The following ROGDI variants were observed in gnomAD, a reference collection of about 807,000 sequenced individuals.
ROGDI encodes the protein rogdi atypical leucine zipper, also known as protein rogdi homolog.
ROGDI carries 46 observed loss-of-function variants against 43.1 expected under a neutral mutation model. The observed-to-expected ratio is 1.07, with a 90% CI of 0.84 to 1.37. The LOEUF (loss-of-function observed/expected upper bound fraction) is 1.37. ROGDI is among the 40% of genes most tolerant of loss of function. The probability of loss-of-function intolerance (pLI) is 0.00; values close to 1 mark genes in which losing one functional copy is unlikely to be tolerated. For missense variants in ROGDI, 518 were observed against 383.9 expected (o/e 1.35, Z -2.92); for synonymous variants, 243 against 162.0 (o/e 1.50, Z -3.80).
At position 4,799,801 on chromosome 16, in the gene ROGDI, A is replaced by G; in HGVS notation, c.337-20T>C. ...CTGGATCTGGAAGCAGGGGTCATCCAGAGGGGTCACGCCAGCTTCCATGCG... is the reference window on the plus strand; with the variant it reads ...CTGGATCTGGAAGCAGGGGTCATCCGGAGGGGTCACGCCAGCTTCCATGCG... On this transcript the variant is annotated intron_variant, in intron 5 of 10. Transcript: ENST00000322048. 6.3e-7 allele frequency: 1 copy of G among 1,586,910 alleles called. No individual in the cohort carries two copies. The highest frequency in any genetic ancestry group is 8.6e-7 in the Non-Finnish European group (1 of 1,157,006).
chr16:4,799,826 G>A (rs545619873), intron 5 of ROGDI, 45 bp from the exon 6 acceptor site: 28 of 1,379,144 alleles, frequency 2.0e-5, no homozygotes, highest in South Asian at 3.6e-5. Context: ...GCTTCCATGC[G>A]GCCAGGAGGG....
rs1239643038 is a variant in ROGDI, at chr16:4,800,516, C to G, written c.318G>C (p.Lys106Asn). Reference protein sequence around the residue: ...QLLHFAFREDKQWKLQQIQDA... With the variant: ...QLLHFAFREDNQWKLQQIQDA... ...GGGTCACCTGCTGCAGCTTCCACTG[C>G]TTGTCCTCCCGGAAGGCGAAGTGCA... The change falls in exon 5 of 11, where the codon AAG becomes AAC. Residue 106 changes from lysine (K) to asparagine (N), a missense_variant. Transcript: ENST00000322048. The G allele has an allele frequency of 1.9e-5, 30 of 1,558,866 alleles. No individual in the cohort carries two copies. Among genetic ancestry groups the G allele is most frequent in the Non-Finnish European group, 2.5e-5 (29 of 1,150,658 alleles).
intron 4 of ROGDI, 151 bp downstream of exon 4, chr16:4,801,116 G>T: frequency 1.7e-6 from 1 of 606,000 alleles, no homozygotes; most frequent in Non-Finnish European, 2.8e-6. Context: ...GAGAAGGTGT[G>T]AGGGTTGCTG....
At chr16:4,801,026 A>C (rs946648490) in intron 4 of ROGDI, 2 of 507,172 alleles carry the variant, frequency 3.9e-6, no homozygotes, top group Non-Finnish European at 7.0e-6. Context: ...CCCATGTTTC[A>C]CTGGTCCGGA....
In ROGDI at chr16:4,797,377, C is replaced by T. The variant is rs748143519; in HGVS notation, c.*83G>A. 1.7e-5 allele frequency: 22 copies of T among 1,269,678 alleles called. No individual in the cohort carries two copies. Among genetic ancestry groups the T allele is most frequent in the African/African-American group, 8.9e-5 (6 of 67,716 alleles). The allele number at this position is 1,269,678 out of a possible 1,614,324, so 78.7% of individuals were successfully genotyped here. ...GATAGGGAGATAAATAGCAGCCTGG[C>T]GTTGGCACTGGCTGGTGCTCTGTGG... On this transcript the variant is annotated 3_prime_UTR_variant, in exon 11 of 11. Coordinates refer to ENST00000322048, the MANE Select transcript of ROGDI (RefSeq NM_024589.3).
Position 4,800,524 on chromosome 16 carries a change from C to T in ROGDI, c.310G>A (p.Glu104Lys), listed in dbSNP as rs752580831. Residue 104 changes from glutamate to lysine, a missense_variant, in exon 5 of 11, where the codon GAG becomes AAG. By Grantham distance (56) the Glu-to-Lys change is moderately conservative (BLOSUM62 1). Coordinates refer to ENST00000322048, the MANE Select transcript of ROGDI (RefSeq NM_024589.3). ...NNQLLHFAFR[E>K]DKQWKLQQIQ... is the part of the protein sequence containing the mutation. ...TGCTGCAGCTTCCACTGCTTGTCCTCCCGGAAGGCGAAGTGCAGCAGCTGG... is the reference window on the plus strand; with the variant it reads ...TGCTGCAGCTTCCACTGCTTGTCCTTCCGGAAGGCGAAGTGCAGCAGCTGG... 2.6e-5 allele frequency: 41 copies of T among 1,560,992 alleles called. No homozygotes were observed. The highest frequency in any genetic ancestry group is 3.6e-5 in the Non-Finnish European group (41 of 1,151,846).
intron 10 of ROGDI, 38 bp from the exon 11 acceptor site, chr16:4,797,539 GA>G (rs1567596217): frequency 1.6e-6 from 2 of 1,262,402 alleles, no homozygotes; most frequent in Non-Finnish European, 2.0e-6. Context: ...GCTGAAGGGG[GA>G]TGGGGTAGCC....
chr16:4,798,953 G>A (rs1249088448), intron 6 of ROGDI, among the ~76,000 whole-genome samples: 1 of 152,182 alleles, frequency 6.6e-6, no homozygotes, highest in East Asian at 1.9e-4. Context: ...CAGTCCCAGG[G>A]GCACAGGCTT....
At chr16:4,802,481 C>A in intron 1 of ROGDI, 28 bp from the exon 2 acceptor site, 2 of 1,222,224 alleles carry the variant, frequency 1.6e-6, no homozygotes, top group African/African-American at 1.6e-5. Flanking sequence ...CGGTCGCGCC[C>A]GGCCCCGCCG....
chr16:4,798,338 G>A (rs906391427), intron 7 of ROGDI, among the ~76,000 whole-genome samples, 154 bp from the exon 8 acceptor site: 3 of 152,180 alleles, frequency 2.0e-5, no homozygotes, highest in Non-Finnish European at 2.9e-5. Flanking sequence ...CTTTTCCCAG[G>A]TGCCCCAAGT....
chr16:4,797,124 C>A lies in ROGDI; in HGVS notation c.*336G>T, dbSNP rs1450668636. The A allele has an allele frequency of 6.6e-6, 2 of 301,198 alleles. No homozygotes were observed. The highest frequency in any genetic ancestry group is 1.3e-5 in the Non-Finnish European group (2 of 158,548). 18.7% of individuals were successfully genotyped at this position (301,198 alleles called of 1,614,324 possible). A position where few individuals can be genotyped will look rare whatever the true frequency, so the allele number is the denominator to read the frequency against. ...GTGCCACCCCCCGACACCATGCCCT[C>A]CAGGGGGAGGGGACAGCGAAGGGGA... On this transcript the variant is annotated 3_prime_UTR_variant, in exon 11 of 11. Transcript: ENST00000322048.
rs372520122 is a variant in ROGDI, at chr16:4,797,516, G to A, written c.823-15C>T. 271 of 1,461,948 alleles carry A rather than the reference G, an allele frequency of 1.9e-4. No homozygotes were observed. The highest frequency in any genetic ancestry group is 2.4e-4 in the Non-Finnish European group (259 of 1,096,542). 90.6% of individuals were successfully genotyped at this position (1,461,948 alleles called of 1,614,324 possible). A position where few individuals can be genotyped will look rare whatever the true frequency, so the allele number is the denominator to read the frequency against. On this transcript the variant is annotated splice_polypyrimidine_tract_variant and intron_variant, in intron 10 of 10. Coordinates refer to ENST00000322048, the MANE Select transcript of ROGDI (RefSeq NM_024589.3). ...AACACGGAGATCTGCAAGGGGAGAG[G>A]GTGCTGTAGGTTGCTGAAGGGGGAT...
intron 4 of ROGDI, 133 bp downstream of exon 4, chr16:4,801,134 C>T (rs1735250517): frequency 2.9e-6 from 2 of 682,794 alleles, no homozygotes; most frequent in Non-Finnish European, 2.4e-6. Context: ...CTGTCATTTT[C>T]CAAAGGAGAA....
intron 6 of ROGDI, among the ~76,000 whole-genome samples, chr16:4,799,398 G>C (rs932933207): frequency 3.1e-4 from 47 of 152,116 alleles, no homozygotes; most frequent in Non-Finnish European, 3.1e-4. Flanking sequence ...AGGTGCCCAG[G>C]TCAGCTCTTC....
rs1216678412 is a variant in ROGDI at position 4,797,854 on chromosome 16, G to C, written c.696-14C>G. 6.2e-7 allele frequency: 1 copy of C among 1,609,752 alleles called. No individual in the cohort carries two copies. The highest frequency in any genetic ancestry group is 8.5e-7 in the Non-Finnish European group (1 of 1,179,072). On this transcript the variant is annotated splice_polypyrimidine_tract_variant and intron_variant, in intron 9 of 10. Coordinates refer to ENST00000322048, the MANE Select transcript of ROGDI (RefSeq NM_024589.3). Reference sequence around the variant, plus strand: ...GAGCCCCACTCGCTGTGGGCAGTGAGAGGGTCCCTGAGGAGGGTCCCGGCC... The same window carrying C: ...GAGCCCCACTCGCTGTGGGCAGTGACAGGGTCCCTGAGGAGGGTCCCGGCC...
chr16:4,800,800 G>C, intron 4 of ROGDI: 4 of 581,878 alleles, frequency 6.9e-6, no homozygotes, highest in South Asian at 2.1e-5. Context: ...AAGTGAAATG[G>C]AAAGAGGTGA....
intron 3 of ROGDI, 66 bp from the exon 4 acceptor site, chr16:4,801,387 C>A (rs2082715795): frequency 1.3e-6 from 2 of 1,556,826 alleles, no homozygotes; most frequent in Non-Finnish European, 1.8e-6. Flanking sequence ...TCCCTCCCGG[C>A]GGGCTGCCCC....
chr16:4,799,329 G>A (rs1226751160), intron 6 of ROGDI, among the ~76,000 whole-genome samples: 2 of 152,104 alleles, frequency 1.3e-5, no homozygotes, highest in African/African-American at 4.8e-5. Flanking sequence ...GTCCAGAGAG[G>A]GCAGGTGAAC....
At chr16:4,800,655 G>C (rs1391682649) in intron 4 of ROGDI, 77 bp from the exon 5 acceptor site, 1 of 1,186,878 alleles carries the variant, frequency 8.4e-7, no homozygotes, top group Non-Finnish European at 1.2e-6. Context: ...CTTAAGCCCA[G>C]GGCAGAAATG....
Sources: gnomAD v4.1 joint callset for allele counts (sites outside exome capture counted in the v4.1 genomes callset) on GRCh38, gnomAD v4.1.1 for gene constraint, MANE v1.5 for transcripts, NCBI Gene and HGNC (gene_info 2026-07-23, HGNC 2026-07-21) for gene names.